The following ODAD4 variants were observed in gnomAD, a reference collection of about 807,000 sequenced individuals.
The protein encoded by ODAD4 is outer dynein arm docking complex subunit 4, also known as outer dynein arm-docking complex subunit 4.
Under a neutral mutation model 51.8 loss-of-function variants are expected in ODAD4, and 49 were observed. That is an observed-to-expected ratio of 0.95 (90% confidence interval 0.75 to 1.20). The LOEUF (loss-of-function observed/expected upper bound fraction) is 1.20, where lower values mean the gene tolerates loss of function less well. Ranked by LOEUF, ODAD4 falls within the 50% of genes most tolerant of loss-of-function variation. The pLI is 0.00. For synonymous variants in ODAD4, 235 were observed against 221.3 expected, an observed-to-expected ratio of 1.06 and a Z score of -0.55; for missense variants, 590 against 586.5, an observed-to-expected ratio of 1.01 and a Z score of -0.06.
chr17:41,940,525 G>T (rs1555638559), intron 7 of ODAD4, among the ~76,000 whole-genome samples: 1 of 152,144 alleles, frequency 6.6e-6, no homozygotes, highest in Non-Finnish European at 1.5e-5. Context: ...CCACTGTGCT[G>T]AGCAGGAATA....
In ODAD4 at chr17:41,939,276, T is replaced by G. The variant is rs531615021; in HGVS notation, c.1058+104T>G. 4 of 1,115,502 alleles carry G rather than the reference T, an allele frequency of 3.6e-6. No individual in the cohort carries two copies. In the African/African-American group the frequency reaches 6.3e-5, roughly 18 times the overall value. The allele number at this position is 1,115,502 out of a possible 1,614,324, so 69.1% of individuals were successfully genotyped here. On this transcript the variant is annotated intron_variant, in intron 7 of 11. Coordinates refer to ENST00000377540, the MANE Select transcript of ODAD4 (RefSeq NM_031421.5). The stretch of plus-strand genomic sequence containing the variant: ...TGCTGGTGGCTTGACTCCCATTTTC[T>G]GCTCTGCATGCCTGAGGTAGATTCT...
intron 8 of ODAD4, among the ~76,000 whole-genome samples, chr17:41,947,647 T>C (rs1269186360): frequency 1.3e-5 from 2 of 148,670 alleles, no homozygotes; most frequent in African/African-American, 5.0e-5. Flanking sequence ...AATGCAAAAT[T>C]AGCCAGGCGT....
chr17:41,962,842 TC>T (rs2050823970), intron 11 of ODAD4, among the ~76,000 whole-genome samples: 1 of 152,182 alleles, frequency 6.6e-6, no homozygotes, highest in Non-Finnish European at 1.5e-5. Context: ...CAATGCAGAT[TC>T]TTGGCTGCAG....
At chr17:41,945,344 A>C (rs1827632539) in intron 8 of ODAD4, 122 bp downstream of exon 8, 2 of 96,018 alleles carry the variant, frequency 2.1e-5, no homozygotes, top group Non-Finnish European at 2.0e-5. Context: ...CCCTCTCTAC[A>C]AAAAAAAAAA....
At chr17:41,935,429 C>G (rs1445220424) in intron 2 of ODAD4, 81 bp downstream of exon 2, 1 of 1,560,424 alleles carries the variant, frequency 6.4e-7, no homozygotes, top group Admixed American at 1.9e-5. Flanking sequence ...CAAGTAGAAC[C>G]AGCCAGACTG....
At chr17:41,952,702 C>T (rs782057559) in intron 9 of ODAD4, 1 of 514,236 alleles carries the variant, frequency 1.9e-6, no homozygotes, top group South Asian at 1.4e-5. Flanking sequence ...TTCAGAATTA[C>T]ACTTAAATTT....
At chr17:41,934,695 T>C (rs990778875) in intron 1 of ODAD4, among the ~76,000 whole-genome samples, 1 of 152,210 alleles carries the variant, frequency 6.6e-6, no homozygotes, top group Non-Finnish European at 1.5e-5. Context: ...TAGTGATTAG[T>C]TCTTGATTAG....
At chr17:41,935,534 T>A (rs2050412883) in intron 2 of ODAD4, 65 bp from the exon 3 acceptor site, 3 of 1,559,124 alleles carry the variant, frequency 1.9e-6, no homozygotes, top group Non-Finnish European at 1.7e-6. Context: ...ACCCTTCTGT[T>A]CCACCACATG....
chr17:41,960,111 G>A (rs1896763953), intron 10 of ODAD4, among the ~76,000 whole-genome samples: 1 of 152,202 alleles, frequency 6.6e-6, no homozygotes, highest in Non-Finnish European at 1.5e-5. Flanking sequence ...TTCGCCGAGT[G>A]TAGATTGGCT....
intron 7 of ODAD4, among the ~76,000 whole-genome samples, chr17:41,939,514 GAC>G (rs1354028504): frequency 6.6e-6 from 1 of 152,208 alleles, no homozygotes; most frequent in Non-Finnish European, 1.5e-5. Flanking sequence ...GTAATAACCA[GAC>G]ACAAGGGCCA....
At position 41,930,751 on chromosome 17, in the gene ODAD4, C is replaced by A. The variant is rs1555636607; in HGVS notation, c.28C>A (p.Arg10=). ...GTCGGACCCCGAAGGCGAGACCTTG[C>A]GAAGCACCTTTCCCTCTTATATGGC... MSDPEGETL[R]STFPSYMAEG... Residue 10 remains arginine, a synonymous_variant, in exon 1 of 12, where the codon CGA becomes AGA. Transcript: ENST00000377540. 1 of 1,611,322 alleles carries A rather than the reference C, an allele frequency of 6.2e-7. No individual in the cohort carries two copies. The highest frequency in any genetic ancestry group is 1.3e-5 in the African/African-American group (1 of 75,032).
intron 7 of ODAD4, among the ~76,000 whole-genome samples, chr17:41,940,892 C>A (rs2050495711): frequency 6.6e-6 from 1 of 152,200 alleles, no homozygotes. Flanking sequence ...TTAACATGTC[C>A]AAATCGGAAT....
intron 7 of ODAD4, among the ~76,000 whole-genome samples, chr17:41,940,478 A>G (rs540854672): frequency 6.6e-6 from 1 of 152,118 alleles, no homozygotes; most frequent in East Asian, 1.9e-4. Flanking sequence ...TCCAAGCCCC[A>G]TATGCTTTCC....
Position 41,935,291 on chromosome 17 carries a change from G to C in ODAD4, c.189G>C (p.Leu63Phe), listed in dbSNP as rs1377911953. The C allele has an allele frequency of 2.5e-6, 4 of 1,613,992 alleles. No homozygotes were observed. The highest frequency in any genetic ancestry group is 3.4e-6 in the Non-Finnish European group (4 of 1,179,876). ...RSKCFLKMGD[L>F]ERSLKDAEAS... ...AGTGCTTCCTGAAGATGGGAGACTT[G>C]GAGAGATCCCTGAAGGATGCTGAGG... The change falls in exon 2 of 12, where the codon TTG becomes TTC. Residue 63 changes from leucine (L) to phenylalanine (F), a missense_variant. Physicochemically the swap from Leu to Phe is conservative, Grantham distance 22. Transcript: ENST00000377540.
intron 9 of ODAD4, among the ~76,000 whole-genome samples, chr17:41,951,513 C>T (rs1365732908): frequency 6.6e-6 from 1 of 151,750 alleles, no homozygotes; most frequent in African/African-American, 2.4e-5. Flanking sequence ...GATCTTGGCT[C>T]ACTGCAACCT....
intron 10 of ODAD4, among the ~76,000 whole-genome samples, chr17:41,957,480 G>C (rs1048068932): frequency 6.6e-6 from 1 of 152,156 alleles, no homozygotes; most frequent in Admixed American, 6.5e-5. Flanking sequence ...TGTGTGGCCC[G>C]GTTCCTAACA....
At chr17:41,944,391 T>TACACACACACACACAC (rs1158342629) in intron 7 of ODAD4, among the ~76,000 whole-genome samples, 15 of 78,684 alleles carry the variant, frequency 1.9e-4, no homozygotes, top group African/African-American at 4.0e-4. Context: ...CAAACACACA[T>TACACACACACACACAC]ACACACACAC....
At chr17:41,961,238 G>A in intron 10 of ODAD4, 144 bp from the exon 11 acceptor site, 1 of 610,834 alleles carries the variant, frequency 1.6e-6, no homozygotes, top group Non-Finnish European at 2.9e-6. Context: ...ATTAACCTGA[G>A]GGTAGGGGTC....
At chr17:41,935,159 C>T (rs1170493516) in intron 1 of ODAD4, 58 bp from the exon 2 acceptor site, 1 of 1,607,014 alleles carries the variant, frequency 6.2e-7, no homozygotes, top group Non-Finnish European at 8.5e-7. Context: ...GCCCTTCCCA[C>T]TCCAGCTTCT....
Sources: gnomAD v4.1 joint callset for allele counts (sites outside exome capture counted in the v4.1 genomes callset) on GRCh38, gnomAD v4.1.1 for gene constraint, MANE v1.5 for transcripts, NCBI Gene and HGNC (gene_info 2026-07-23, HGNC 2026-07-21) for gene names.